Variants in USP43 observed in about 807,000 individuals in gnomAD.
USP43 encodes the protein ubiquitin specific peptidase 43, also known as ubiquitin carboxyl-terminal hydrolase 43.
A neutral mutation model predicts 90.7 loss-of-function variants in USP43; 33 were observed. The ratio of observed to expected loss-of-function variants is 0.36; its 90% CI spans 0.28 to 0.49. USP43 has a LOEUF of 0.49. Ranked by LOEUF, USP43 falls within the 20% of genes least tolerant of loss-of-function variation. The pLI is 0.98. For missense variants in USP43, 1,274 were observed against 1,476.4 expected (o/e 0.86, Z 2.25); for synonymous variants, 598 against 615.8 (o/e 0.97, Z 0.43).
intron 2 of USP43, among the ~76,000 whole-genome samples, chr17:9,658,915 T>C (rs747184317): frequency 1.3e-5 from 2 of 152,116 alleles, no homozygotes; most frequent in Non-Finnish European, 2.9e-5. Flanking sequence ...TCATGTAGTC[T>C]TTAGAGCTTG....
chr17:9,649,098 C>T (rs567070896), intron 1 of USP43, among the ~76,000 whole-genome samples: 2 of 152,082 alleles, frequency 1.3e-5, no homozygotes, highest in African/African-American at 4.8e-5. Flanking sequence ...TCAAGCGATC[C>T]TCCTACCTCA....
intron 9 of USP43, among the ~76,000 whole-genome samples, chr17:9,694,824 A>G (rs963099711): frequency 2.6e-5 from 4 of 151,996 alleles, no homozygotes; most frequent in Non-Finnish European, 5.9e-5. Context: ...GGGTTTCATC[A>G]TGTTGGTCAG....
chr17:9,656,730 A>G lies in USP43; in HGVS notation c.636+196A>G, dbSNP rs186991023. Reference sequence around the variant, plus strand: ...TACACAAGGCGTTTCCTTCCATTCCAGTATTTCTCATTCTCTTTGTCCCAG... The same window carrying G: ...TACACAAGGCGTTTCCTTCCATTCCGGTATTTCTCATTCTCTTTGTCCCAG... On this transcript the variant is annotated intron_variant, in intron 2 of 14. Coordinates refer to ENST00000285199, the MANE Select transcript of USP43 (RefSeq NM_153210.5). Among the ~76,000 whole-genome samples the G allele has an allele frequency of 2.0e-5, 3 of 152,242 alleles. No homozygotes were observed. In the East Asian group the frequency reaches 5.8e-4, roughly 29 times the overall value.
chr17:9,708,340 G>T (rs995038253), intron 12 of USP43, among the ~76,000 whole-genome samples: 1 of 152,202 alleles, frequency 6.6e-6, no homozygotes, highest in Admixed American at 6.5e-5. Flanking sequence ...TTGCTCTGCT[G>T]TATGGAGAAT....
chr17:9,709,876 T>C lies in USP43; in HGVS notation c.2012-80T>C. On this transcript the variant is annotated intron_variant, in intron 12 of 14. Transcript: ENST00000285199. The surrounding 1 kb of genome is among the most constrained non-coding windows in gnomAD (Gnocchi z 5.0). ...CTCATTCTGGTTTAAACATACCGCT[T>C]TTTCAGCTATGCCAGTGGGAAATGT... 1 of 1,330,304 alleles carries C rather than the reference T, an allele frequency of 7.5e-7. No individual in the cohort carries two copies. Among genetic ancestry groups the C allele is most frequent in the Non-Finnish European group, 9.7e-7 (1 of 1,029,700 alleles). The allele number at this position is 1,330,304 out of a possible 1,614,324, so 82.4% of individuals were successfully genotyped here. A position where few individuals can be genotyped will look rare whatever the true frequency, so the allele number is the denominator to read the frequency against.
chr17:9,658,236 A>G lies in USP43; in HGVS notation c.636+1702A>G, dbSNP rs1654595802. Among the ~76,000 whole-genome samples, 3 of 152,246 alleles carry G rather than the reference A, an allele frequency of 2.0e-5. No individual in the cohort carries two copies. In the South Asian group the frequency reaches 6.2e-4, roughly 31 times the overall value. On this transcript the variant is annotated intron_variant, in intron 2 of 14. Coordinates refer to ENST00000285199, the MANE Select transcript of USP43 (RefSeq NM_153210.5). The stretch of plus-strand genomic sequence containing the variant: ...CTTCAGTGTTTGCTCAGAGCCCGTC[A>G]TTCTAGCGTAATAAAGAATGAACAG...
intron 8 of USP43, among the ~76,000 whole-genome samples, chr17:9,691,465 C>T (rs757083952): frequency 1.2e-4 from 19 of 152,202 alleles, no homozygotes; most frequent in Non-Finnish European, 2.6e-4. Flanking sequence ...ATATATCCCA[C>T]ATTTTGTTTA....
intron 2 of USP43, among the ~76,000 whole-genome samples, chr17:9,663,026 C>T (rs1242310806): frequency 6.6e-6 from 1 of 151,962 alleles, no homozygotes; most frequent in Non-Finnish European, 1.5e-5. Context: ...CCATGTTGGC[C>T]AGGCTGGTCT....
chr17:9,717,265 G>T (rs1444650130), intron 14 of USP43, among the ~76,000 whole-genome samples: 2 of 151,456 alleles, frequency 1.3e-5, no homozygotes, highest in Non-Finnish European at 2.9e-5. Flanking sequence ...GCCATTACCA[G>T]TAGTCCTGTT....
rs370744141 is a variant in USP43, at chr17:9,728,570, C to G, written c.2952C>G (p.Gly984=). The part of the protein sequence containing the change: ...FSGNSKDSRR[G]TSELDRPLQG... ...GAAACAGCAAAGACAGTCGCCGAGG[C>G]ACCTCTGAGCTAGACAGACCCCTGC... is the stretch of plus-strand genomic sequence containing the variant. Residue 984 remains glycine, a synonymous_variant, in exon 15 of 15, where the codon GGC becomes GGG. Transcript: ENST00000285199. The surrounding 1 kb of genome is among the most constrained non-coding windows in gnomAD (Gnocchi z 6.2). The G allele has an allele frequency of 3.3e-5, 53 of 1,614,022 alleles. No individual in the cohort carries two copies. In the African/African-American group the frequency reaches 6.5e-4, roughly 20 times the overall value.
chr17:9,715,801 CTG>C (rs1392708031), intron 14 of USP43, among the ~76,000 whole-genome samples: 1 of 133,216 alleles, frequency 7.5e-6, no homozygotes, highest in Non-Finnish European at 1.6e-5. Context: ...GTGTGTGTGT[CTG>C]TGTATCTGTG....
In USP43 at chr17:9,711,964, A is replaced by C; in HGVS notation, c.2171-4A>C. Reference sequence around the variant, plus strand: ...CAGCCTCCCTCTCTGTGTTTCCTCCACAGGCTCTACCAGCTCCTCCCTGTC... The same window carrying C: ...CAGCCTCCCTCTCTGTGTTTCCTCCCCAGGCTCTACCAGCTCCTCCCTGTC... On this transcript the variant is annotated splice_polypyrimidine_tract_variant and splice_region_variant and intron_variant, in intron 13 of 14. Coordinates refer to ENST00000285199, the MANE Select transcript of USP43 (RefSeq NM_153210.5). 6.3e-7 allele frequency: 1 copy of C among 1,595,986 alleles called. No individual in the cohort carries two copies. The highest frequency in any genetic ancestry group is 8.5e-7 in the Non-Finnish European group (1 of 1,170,932).
Position 9,676,815 on chromosome 17 carries a change from G to C in USP43, c.903G>C (p.Pro301=). 6.2e-7 allele frequency: 1 copy of C among 1,613,996 alleles called. No individual in the cohort carries two copies. The highest frequency in any genetic ancestry group is 8.5e-7 in the Non-Finnish European group (1 of 1,179,888). Residue 301 remains proline (P), a synonymous_variant, in exon 5 of 15, where the codon CCG becomes CCC. Transcript: ENST00000285199. ...TCCTGCGGGTTGGCCTGGCCGTGCC[G>C]ATCCTCAGCACAGTGGCAGCCCTGA... ...QRFLRVGLAV[P]ILSTVAALRK... is the part of the protein sequence containing the mutation.
rs767822568 is a variant in USP43, at chr17:9,728,858, G to T, written c.3240G>T (p.Pro1080=). ...TCCCTCGTAAAGCCAGCAGGGCCCC[G>T]AGAGGCAGTGCACTGGGCATGTCAC... ...LRLPRKASRA[P]RGSALGMSQR... is the part of the protein sequence containing the mutation. Residue 1080 remains proline (P), a synonymous_variant, in exon 15 of 15, where the codon CCG becomes CCT. Transcript: ENST00000285199. The surrounding 1 kb of genome is among the most constrained non-coding windows in gnomAD (Gnocchi z 6.2). 1.2e-6 allele frequency: 2 copies of T among 1,613,834 alleles called. No homozygotes were observed. Among genetic ancestry groups the T allele is most frequent in the African/African-American group, 2.7e-5 (2 of 74,922 alleles).
chr17:9,660,025 C>CA (rs1279417651), intron 2 of USP43, among the ~76,000 whole-genome samples: 5 of 152,162 alleles, frequency 3.3e-5, no homozygotes, highest in African/African-American at 2.4e-5. Context: ...GGGATGGTGA[C>CA]AAAATCACCA....
Position 9,666,636 on chromosome 17 carries a change from A to G in USP43, c.637-12A>G. The G allele has an allele frequency of 1.9e-6, 3 of 1,607,820 alleles. No individual in the cohort carries two copies. The highest frequency in any genetic ancestry group is 1.1e-5 in the South Asian group (1 of 89,712). On this transcript the variant is annotated splice_polypyrimidine_tract_variant and intron_variant, in intron 2 of 14. Coordinates refer to ENST00000285199, the MANE Select transcript of USP43 (RefSeq NM_153210.5). ...GTATCTAATCTGGCTTCCTTTCCTCATTTCTTTGCAGCTTCCGCCTGAAGC... is the reference window on the plus strand; with the variant it reads ...GTATCTAATCTGGCTTCCTTTCCTCGTTTCTTTGCAGCTTCCGCCTGAAGC...
In USP43 at chr17:9,672,866, C is replaced by T. The variant is rs371089436; in HGVS notation, c.741-2025C>T. Among the ~76,000 whole-genome samples, 27 of 152,252 alleles carry T rather than the reference C, an allele frequency of 1.8e-4. 1 individual carries two copies. Among genetic ancestry groups the T allele is most frequent in the African/African-American group, 6.3e-4 (26 of 41,538 alleles). ...ATGGGCAGATCACCCAGGATTGCCT[C>T]GGGCGACACTCTCCTGTTTATGTTC... On this transcript the variant is annotated intron_variant, in intron 3 of 14. Coordinates refer to ENST00000285199, the MANE Select transcript of USP43 (RefSeq NM_153210.5).
chr17:9,645,386 C>T, upstream of USP43: 1 of 266,434 alleles, frequency 3.8e-6, no homozygotes, highest in Non-Finnish European at 6.9e-6. The surrounding 1 kb of genome is among the most constrained non-coding windows in gnomAD (Gnocchi z 6.8). Context: ...TCCCAGTCAG[C>T]GCAGCGGGGG....
At chr17:9,656,058 C>A (rs1052285353) in intron 1 of USP43, among the ~76,000 whole-genome samples, 7 of 152,132 alleles carry the variant, frequency 4.6e-5, no homozygotes, top group Non-Finnish European at 1.0e-4. Flanking sequence ...GAGCATCATA[C>A]CCCAGCAGTC....
Sources: gnomAD v4.1 joint callset for allele counts (sites outside exome capture counted in the v4.1 genomes callset) on GRCh38, gnomAD v4.1.1 for gene constraint, Gnocchi (gnomAD v3.1) non-coding constraint, MANE v1.5 for transcripts, NCBI Gene and HGNC (gene_info 2026-07-23, HGNC 2026-07-21) for gene names.